Variants in RTF2 observed in about 807,000 individuals in gnomAD.
RTF2 encodes the protein UPF0549 protein C20orf43.
A neutral mutation model predicts 38.0 loss-of-function variants in RTF2; 18 were observed. That is an observed-to-expected ratio of 0.47 (90% CI 0.33 to 0.70). RTF2 has a LOEUF of 0.70. Ranked by LOEUF, RTF2 falls within the 30% of genes least tolerant of loss-of-function variation. The probability of loss-of-function intolerance (pLI) is 0.02; values close to 1 mark genes in which losing one functional copy is unlikely to be tolerated. For synonymous variants in RTF2, 126 were observed against 137.1 expected (o/e 0.92, Z 0.57); for missense variants, 311 against 379.6 (o/e 0.82, Z 1.50).
chr20:56,492,145 A>G (rs913387870), intron 5 of RTF2, among the ~76,000 whole-genome samples: 18 of 152,038 alleles, frequency 1.2e-4, no homozygotes, highest in Admixed American at 8.5e-4. Context: ...AAGTCTTTTC[A>G]TTGGTTGTAA....
At position 56,473,205 on chromosome 20, in the gene RTF2, A is replaced by G. The variant is rs537864232; in HGVS notation, c.70-96A>G. The G allele has an allele frequency of 1.2e-4, 105 of 864,362 alleles. No homozygotes were observed. In the African/African-American group the frequency reaches 1.7e-3, roughly 14 times the overall value. 53.5% of individuals were successfully genotyped at this position (864,362 alleles called of 1,614,324 possible). A position where few individuals can be genotyped will look rare whatever the true frequency, so the allele number is the denominator to read the frequency against. ...TTTGATTTAAAAAACAAAAATCATT[A>G]CAGTGCGGTATTACTGAATATACTT... On this transcript the variant is annotated intron_variant, in intron 1 of 8. Coordinates refer to ENST00000357348, the MANE Select transcript of RTF2 (RefSeq NM_016407.5).
intron 5 of RTF2, among the ~76,000 whole-genome samples, chr20:56,484,412 G>A (rs1159819250): frequency 6.6e-6 from 1 of 152,234 alleles, no homozygotes; most frequent in Admixed American, 6.5e-5. Flanking sequence ...TTTCCTGAAT[G>A]TGCTGCTGCC....
At chr20:56,485,851 A>T (rs147357151) in intron 5 of RTF2, among the ~76,000 whole-genome samples, 3 of 152,334 alleles carry the variant, frequency 2.0e-5, no homozygotes, top group African/African-American at 7.2e-5. Context: ...GAATCATGTT[A>T]TGTGAGACAT....
intron 5 of RTF2, among the ~76,000 whole-genome samples, chr20:56,506,440 A>G (rs1205088328): frequency 6.6e-6 from 1 of 152,102 alleles, no homozygotes; most frequent in African/African-American, 2.4e-5. Context: ...TATTGTAAGC[A>G]CAAAGATTGG....
In RTF2 at chr20:56,517,097, C is replaced by A; in HGVS notation, c.647-9C>A. The A allele has an allele frequency of 6.2e-7, 1 of 1,613,964 alleles. No individual in the cohort carries two copies. The highest frequency in any genetic ancestry group is 8.5e-7 in the Non-Finnish European group (1 of 1,179,894). On this transcript the variant is annotated splice_polypyrimidine_tract_variant and intron_variant, in intron 7 of 8. Coordinates refer to ENST00000357348, the MANE Select transcript of RTF2 (RefSeq NM_016407.5). The stretch of plus-strand genomic sequence containing the variant: ...TGTTTTTGCTTTGCCTACTTTGTTT[C>A]TTTTACAGAAGCCCCAGGGCCATCA...
intron 5 of RTF2, among the ~76,000 whole-genome samples, chr20:56,493,696 G>C (rs1458747168): frequency 6.6e-6 from 1 of 151,064 alleles, no homozygotes; most frequent in African/African-American, 2.4e-5. Context: ...AAGACTATCA[G>C]TGGGAGAAAC....
chr20:56,493,373 A>G (rs1490669555), intron 5 of RTF2, among the ~76,000 whole-genome samples: 1 of 152,034 alleles, frequency 6.6e-6, no homozygotes, highest in Non-Finnish European at 1.5e-5. Context: ...TATTATAAGT[A>G]TGGGCCAGAT....
intron 3 of RTF2, among the ~76,000 whole-genome samples, chr20:56,475,180 T>A (rs1982173918): frequency 6.6e-6 from 1 of 152,220 alleles, no homozygotes; most frequent in Admixed American, 6.5e-5. Flanking sequence ...TAAAGTTCTT[T>A]CATAAAAGTT....
rs959611498 is a variant in RTF2 at position 56,490,422 on chromosome 20, G to A, written c.477+6233G>A. 2.0e-5 allele frequency among the ~76,000 whole-genome samples: 3 copies of A among 152,356 alleles called. No homozygotes were observed. In the East Asian group the frequency reaches 5.8e-4, roughly 29 times the overall value. ...AGCAGCAAAGTCGTGGACTTTCTAA[G>A]GGAGGAGACCCAGATCTGTGAATAG... On this transcript the variant is annotated intron_variant, in intron 5 of 8. Coordinates refer to ENST00000357348, the MANE Select transcript of RTF2 (RefSeq NM_016407.5).
intron 5 of RTF2, among the ~76,000 whole-genome samples, chr20:56,500,317 G>A (rs1327926093): frequency 6.6e-6 from 1 of 152,204 alleles, no homozygotes; most frequent in Admixed American, 6.5e-5. Context: ...GCCTCCCAAA[G>A]TGTTGGGATT....
intron 1 of RTF2, chr20:56,471,509 A>C (rs1981964027): frequency 6.6e-6 from 1 of 152,332 alleles, no homozygotes; most frequent in East Asian, 1.9e-4. Context: ...CAGAGCTTGC[A>C]GTGAGCCAAG....
intron 5 of RTF2, among the ~76,000 whole-genome samples, chr20:56,501,282 T>C (rs995033492): frequency 6.6e-6 from 1 of 152,222 alleles, no homozygotes; most frequent in African/African-American, 2.4e-5. Context: ...TTAGTTTTTG[T>C]TGTGGCTGTT....
chr20:56,514,655 C>T (rs1215048388), intron 6 of RTF2, among the ~76,000 whole-genome samples: 1 of 152,094 alleles, frequency 6.6e-6, no homozygotes, highest in Non-Finnish European at 1.5e-5. Flanking sequence ...AAAGCCGAGG[C>T]TTGAGCACAT....
At chr20:56,481,516 C>T (rs764600376) in intron 4 of RTF2, among the ~76,000 whole-genome samples, 1 of 152,184 alleles carries the variant, frequency 6.6e-6, no homozygotes, top group African/African-American at 2.4e-5. Context: ...TTTAAACCAC[C>T]ATTGGGGTCA....
At chr20:56,491,668 G>T (rs1349143973) in intron 5 of RTF2, 3 of 1,552,110 alleles carry the variant, frequency 1.9e-6, no homozygotes, top group Non-Finnish European at 2.6e-6. Flanking sequence ...GCTCTAAGCA[G>T]GTAACCACAA....
chr20:56,474,974 G>C (rs547015138), intron 3 of RTF2, among the ~76,000 whole-genome samples: 1 of 152,280 alleles, frequency 6.6e-6, no homozygotes, highest in East Asian at 1.9e-4. Context: ...TTATAAATCT[G>C]TTGTAATTTC....
intron 5 of RTF2, among the ~76,000 whole-genome samples, chr20:56,492,783 A>G (rs1187262948): frequency 6.6e-6 from 1 of 152,050 alleles, no homozygotes; most frequent in African/African-American, 2.4e-5. Context: ...CGTATGTGTG[A>G]GAGGGAAGGA....
At chr20:56,512,252 C>T (rs1430702119) in intron 5 of RTF2, among the ~76,000 whole-genome samples, 1 of 152,156 alleles carries the variant, frequency 6.6e-6, no homozygotes, top group Non-Finnish European at 1.5e-5. Flanking sequence ...ATTCAAAATG[C>T]AGGACTGGGA....
intron 5 of RTF2, among the ~76,000 whole-genome samples, chr20:56,485,979 G>A (rs1232817083): frequency 1.3e-5 from 2 of 152,138 alleles, no homozygotes; most frequent in African/African-American, 2.4e-5. Flanking sequence ...AAAGGGAGGG[G>A]CATTTGTTCT....
Sources: allele counts gnomAD v4.1 joint callset (sites outside exome capture counted in the v4.1 genomes callset), GRCh38; gene constraint gnomAD v4.1.1; transcripts MANE v1.5; gene names NCBI Gene and HGNC (gene_info 2026-07-23, HGNC 2026-07-21).